Variants in SAMMSON observed in about 807,000 individuals in gnomAD.
SAMMSON encodes long intergenic non-protein coding RNA 1212.
rs367710570 is a variant in SAMMSON, at chr3:70,071,700, CAAT to C, written n.507+136_507+138del. ...CCATTGTTATTTTGTCTTTGGTTAT[CAAT>C]GATGATCAACCTTTGCTAAACAAAG... On this transcript the variant is annotated intron_variant and non_coding_transcript_variant, in intron 4 of 9. Coordinates refer to ENST00000642114, the Ensembl canonical transcript of SAMMSON. 19 of 152,132 alleles carry C rather than the reference CAAT, an allele frequency of 1.2e-4. No homozygotes were observed. In the East Asian group the frequency reaches 3.3e-3, roughly 26 times the overall value. 9.4% of individuals were successfully genotyped at this position (152,132 alleles called of 1,614,324 possible).
intron 4 of SAMMSON, among the ~76,000 whole-genome samples, chr3:70,117,976 G>A (rs945740516): frequency 3.9e-5 from 6 of 151,982 alleles, no homozygotes; most frequent in Non-Finnish European, 7.4e-5. Context: ...GGAGTGCAGT[G>A]GCGCCATCTC....
chr3:70,210,955 G>A (rs1701337307), intron 4 of SAMMSON, among the ~76,000 whole-genome samples: 1 of 152,076 alleles, frequency 6.6e-6, no homozygotes, highest in Non-Finnish European at 1.5e-5. Flanking sequence ...ACATGCAACA[G>A]ATGAATCAAT....
rs142592221 is a variant in SAMMSON at position 70,064,296 on chromosome 3, G to A, written n.418-7180G>A. ...AGGAATAATGAAATATACCAAGTAC[G>A]TACTAATTTGGCAGTCATTCTCAGA... On this transcript the variant is annotated intron_variant and non_coding_transcript_variant, in intron 3 of 9. Coordinates refer to ENST00000642114, the Ensembl canonical transcript of SAMMSON. 2.8e-4 allele frequency among the ~76,000 whole-genome samples: 42 copies of A among 152,230 alleles called. No homozygotes were observed. The Middle Eastern group carries it at 0.01, about 37-fold the overall frequency.
intron 3 of SAMMSON, among the ~76,000 whole-genome samples, chr3:70,042,084 G>A (rs558458257): frequency 5.8e-4 from 88 of 152,198 alleles, no homozygotes; most frequent in Non-Finnish European, 8.8e-4. Flanking sequence ...AAAGGATGAC[G>A]ATCAGTGTCA....
chr3:70,426,998 A>G (rs2106777573), intron 2 of SAMMSON, among the ~76,000 whole-genome samples: 1 of 152,364 alleles, frequency 6.6e-6, no homozygotes, highest in South Asian at 2.1e-4. Flanking sequence ...TTTAAAAGGC[A>G]TATACAATAA....
intron 4 of SAMMSON, among the ~76,000 whole-genome samples, chr3:70,115,486 T>A (rs1430387278): frequency 6.6e-6 from 1 of 152,184 alleles, no homozygotes; most frequent in Non-Finnish European, 1.5e-5. Context: ...TACTTACGTA[T>A]CTAGTTTAAA....
chr3:70,285,400 T>C (rs1334917463), intron 6 of SAMMSON, among the ~76,000 whole-genome samples: 2 of 152,166 alleles, frequency 1.3e-5, no homozygotes, highest in African/African-American at 2.4e-5. Flanking sequence ...TCAGTTTTTA[T>C]GGCTGCATAG....
intron 6 of SAMMSON, among the ~76,000 whole-genome samples, chr3:70,285,870 C>G (rs1450289535): frequency 6.6e-6 from 1 of 151,934 alleles, no homozygotes; most frequent in Non-Finnish European, 1.5e-5. Flanking sequence ...TGAGAAGTGT[C>G]TGTTCATGTC....
At chr3:70,175,281 G>GTA (rs1701001572) in intron 4 of SAMMSON, among the ~76,000 whole-genome samples, 1 of 152,048 alleles carries the variant, frequency 6.6e-6, no homozygotes, top group Admixed American at 6.6e-5. Flanking sequence ...TAGAGAAAGA[G>GTA]TACCTCTCCC....
intron 3 of SAMMSON, among the ~76,000 whole-genome samples, chr3:70,067,970 G>T (rs926711522): frequency 2.0e-5 from 3 of 151,914 alleles, no homozygotes; most frequent in Admixed American, 6.6e-5. Flanking sequence ...ATTTGTAGTG[G>T]TGGGGGTAGA....
intron 1 of SAMMSON, among the ~76,000 whole-genome samples, chr3:70,006,465 G>A (rs1435107820): frequency 6.6e-6 from 1 of 152,164 alleles, no homozygotes; most frequent in Non-Finnish European, 1.5e-5. Context: ...CAGAGATGAA[G>A]TAAGTAGTCC....
chr3:70,028,171 C>CT (rs1323865007), intron 3 of SAMMSON, among the ~76,000 whole-genome samples: 1 of 140,722 alleles, frequency 7.1e-6, no homozygotes, highest in Non-Finnish European at 1.5e-5. Context: ...TCCTTCCTTC[C>CT]TTCCTTCCTT....
chr3:70,206,160 T>C (rs1390495685), intron 4 of SAMMSON, among the ~76,000 whole-genome samples: 1 of 152,038 alleles, frequency 6.6e-6, no homozygotes, highest in Admixed American at 6.6e-5. Flanking sequence ...ATCTTAATTT[T>C]TTATGCTGTC....
At chr3:70,023,378 G>A (rs759284106) in intron 3 of SAMMSON, among the ~76,000 whole-genome samples, 37 of 151,758 alleles carry the variant, frequency 2.4e-4, no homozygotes, top group African/African-American at 5.6e-4. Flanking sequence ...GGAGAATGGC[G>A]TGAATCCAGG....
intron 3 of SAMMSON, among the ~76,000 whole-genome samples, chr3:70,017,652 G>C (rs1227638321): frequency 6.6e-6 from 1 of 152,050 alleles, no homozygotes; most frequent in Non-Finnish European, 1.5e-5. Flanking sequence ...GGGCATCCCT[G>C]TCTTGTGCCA....
At chr3:70,022,747 C>A (rs2067020944) in intron 3 of SAMMSON, among the ~76,000 whole-genome samples, 1 of 152,172 alleles carries the variant, frequency 6.6e-6, no homozygotes, top group South Asian at 2.1e-4. Context: ...AAGTTTGGTG[C>A]ACAGCTAAAG....
chr3:70,416,056 G>A (rs1016902551), intron 2 of SAMMSON, among the ~76,000 whole-genome samples: 2 of 152,194 alleles, frequency 1.3e-5, no homozygotes, highest in African/African-American at 2.4e-5. Flanking sequence ...GGCCAATATA[G>A]AGGAGAATGA....
chr3:70,182,583 A>C (rs1005120654), intron 4 of SAMMSON, among the ~76,000 whole-genome samples: 4 of 152,144 alleles, frequency 2.6e-5, no homozygotes, highest in African/African-American at 9.7e-5. Context: ...TCCGAAGACG[A>C]AGCTTTTGGA....
At chr3:70,098,947 A>G (rs2067333030) in intron 4 of SAMMSON, among the ~76,000 whole-genome samples, 1 of 152,156 alleles carries the variant, frequency 6.6e-6, no homozygotes, top group African/African-American at 2.4e-5. Context: ...CAGACTTTAT[A>G]TATATGACTG....
Sources: allele counts gnomAD v4.1 joint callset (sites outside exome capture counted in the v4.1 genomes callset), GRCh38; gene constraint gnomAD v4.1.1; transcripts MANE v1.5; gene names NCBI Gene and HGNC (gene_info 2026-07-23, HGNC 2026-07-21).